PHF24: variants seen among roughly 807,000 people sequenced by gnomAD.
The protein encoded by PHF24 is Galpha inhibitory interacting protein.
Under a neutral mutation model 42.6 loss-of-function variants are expected in PHF24, and 25 were observed. The ratio of observed to expected loss-of-function variants is 0.59; its 90% confidence interval spans 0.43 to 0.82. PHF24 has a LOEUF of 0.82. Among genes scored for constraint, PHF24 ranks in the 40% least tolerant of loss-of-function variants. PHF24 has a pLI of 0.00. For missense variants in PHF24, 470 were observed against 538.1 expected (o/e 0.87, Z 1.25); for synonymous variants, 185 against 204.8 (o/e 0.90, Z 0.83).
chr9:34,801,997 G>A, the PHF24 span, among the ~76,000 whole-genome samples: 49,425 of 151,734 alleles, frequency 0.33, 8,662 homozygotes, highest in East Asian at 0.55. Context: ...GATAGGTGCA[G>A]CAAACCATCA....
chr9:34,792,244 G>T, the PHF24 span, among the ~76,000 whole-genome samples: 8 of 152,268 alleles, frequency 5.3e-5, no homozygotes, highest in Non-Finnish European at 7.4e-5. Flanking sequence ...AACCAAGAAG[G>T]TAAACTACTT....
chr9:34,823,970 T>C, the PHF24 span, among the ~76,000 whole-genome samples: 1 of 152,206 alleles, frequency 6.6e-6, no homozygotes, highest in Non-Finnish European at 1.5e-5. Context: ...GACAGGCACC[T>C]GGGCCAGTTC....
At chr9:34,869,562 G>A in the PHF24 span, among the ~76,000 whole-genome samples, 44 of 151,966 alleles carry the variant, frequency 2.9e-4, no homozygotes, top group Non-Finnish European at 2.1e-4. Flanking sequence ...TCCTTCTCCT[G>A]CTGCAGAACA....
chr9:34,930,935 A>G, the PHF24 span, among the ~76,000 whole-genome samples: 3 of 152,216 alleles, frequency 2.0e-5, no homozygotes, highest in South Asian at 4.2e-4. Context: ...GTAATCCCCA[A>G]TGTTGGAAGT....
chr9:34,689,671 C>G, the PHF24 span: 4 of 863,386 alleles, frequency 4.6e-6, no homozygotes, highest in Non-Finnish European at 5.6e-6. The surrounding 1 kb of genome is among the most constrained non-coding windows in gnomAD (Gnocchi z 4.1). Flanking sequence ...CTCACACTCA[C>G]ACACACCCCA....
At chr9:34,881,293 A>C in the PHF24 span, among the ~76,000 whole-genome samples, 74,046 of 151,820 alleles carry the variant, frequency 0.49, 18,704 homozygotes, top group Non-Finnish European at 0.56. Context: ...CATCACAATT[A>C]AAAGAACTAG....
chr9:34,734,451 G>A, the PHF24 span, among the ~76,000 whole-genome samples: 1 of 152,114 alleles, frequency 6.6e-6, no homozygotes, highest in Admixed American at 6.5e-5. Flanking sequence ...GTACAGGCCT[G>A]GGGAAAAGGA....
the PHF24 span, among the ~76,000 whole-genome samples, chr9:34,690,832 G>A: frequency 6.6e-6 from 1 of 152,176 alleles, no homozygotes; most frequent in African/African-American, 2.4e-5. Context: ...GCAGGAAATA[G>A]AGCTTGCAGA....
the PHF24 span, among the ~76,000 whole-genome samples, chr9:34,800,878 G>A: frequency 1.3e-5 from 2 of 152,080 alleles, no homozygotes; most frequent in African/African-American, 2.4e-5. Flanking sequence ...AGAGTGAAAA[G>A]GCAACCTACA....
At chr9:34,771,233 T>G in the PHF24 span, among the ~76,000 whole-genome samples, 3,419 of 152,342 alleles carry the variant, frequency 0.022, 70 homozygotes, top group Non-Finnish European at 0.032. Context: ...CATCATAGAC[T>G]GTATTTACAC....
chr9:34,940,091 G>C, the PHF24 span, among the ~76,000 whole-genome samples: 1,170 of 151,984 alleles, frequency 7.7e-3, 16 homozygotes, highest in African/African-American at 0.027. Context: ...GAGGGAGGTG[G>C]GGGGAAAGTC....
At chr9:34,670,893 A>G in the PHF24 span, among the ~76,000 whole-genome samples, 2 of 152,300 alleles carry the variant, frequency 1.3e-5, no homozygotes, top group East Asian at 1.9e-4. Context: ...AAGGATGAGA[A>G]GGTCCTCTCC....
At chr9:34,709,281 TG>T in the PHF24 span, 3 of 1,262,596 alleles carry the variant, frequency 2.4e-6, no homozygotes, top group Non-Finnish European at 2.3e-6. Context: ...AAGGCCAGCA[TG>T]GGGTGGCTGC....
At chr9:34,847,074 G>T in the PHF24 span, among the ~76,000 whole-genome samples, 1 of 152,180 alleles carries the variant, frequency 6.6e-6, no homozygotes, top group African/African-American at 2.4e-5. Flanking sequence ...GATTGACTTG[G>T]TGATGTGGGC....
chr9:34,783,651 C>A, the PHF24 span, among the ~76,000 whole-genome samples: 1 of 152,102 alleles, frequency 6.6e-6, no homozygotes, highest in Non-Finnish European at 1.5e-5. Flanking sequence ...ATAAAATAAT[C>A]TTTTTCTTAT....
the PHF24 span, among the ~76,000 whole-genome samples, chr9:34,872,955 C>T: frequency 6.6e-6 from 1 of 150,816 alleles, no homozygotes; most frequent in African/African-American, 2.4e-5. Flanking sequence ...CTCTGATGGC[C>T]AGTGATGAGC....
chr9:34,976,732 C>T (rs1324792315), exon 5 of PHF24: 4 of 1,613,278 alleles, frequency 2.5e-6, no homozygotes, highest in South Asian at 2.2e-5. Context: ...GCAGCAGTTG[C>T]GTCCCCAGGT....
At chr9:34,833,019 C>T in the PHF24 span, 2 of 1,551,598 alleles carry the variant, frequency 1.3e-6, no homozygotes, top group South Asian at 1.2e-5. Flanking sequence ...CGCCAGGACC[C>T]TCGGGGTGTC....
intron 1 of PHF24, among the ~76,000 whole-genome samples, chr9:34,967,916 A>G (rs1404903033): frequency 6.6e-6 from 1 of 152,244 alleles, no homozygotes; most frequent in Non-Finnish European, 1.5e-5. Context: ...ACAGACAGAG[A>G]ACTAAAGCCC....
Sources: gnomAD v4.1 joint callset for allele counts (sites outside exome capture counted in the v4.1 genomes callset) on GRCh38, gnomAD v4.1.1 for gene constraint, Gnocchi (gnomAD v3.1) non-coding constraint, MANE v1.5 for transcripts, NCBI Gene and HGNC (gene_info 2026-07-23, HGNC 2026-07-21) for gene names.